The following MCU variants were observed in gnomAD, a reference collection of about 807,000 sequenced individuals.
MCU encodes the protein calcium uniporter protein, mitochondrial.
In MCU, 12 loss-of-function variants were observed where a neutral mutation model predicts 45.2. The ratio of observed to expected loss-of-function variants is 0.27; its 90% CI spans 0.17 to 0.43. The LOEUF (loss-of-function observed/expected upper bound fraction) is 0.43, where lower values mean the gene tolerates loss of function less well. Among genes scored for constraint, MCU ranks in the 20% least tolerant of loss-of-function variants. The pLI is 1.00. For missense variants in MCU, 324 were observed against 436.7 expected, an observed-to-expected ratio of 0.74 and a Z score of 2.30; for synonymous variants, 160 against 165.1, an observed-to-expected ratio of 0.97 and a Z score of 0.24.
intron 2 of MCU, among the ~76,000 whole-genome samples, chr10:72,857,098 C>T (rs1225367818): frequency 1.3e-5 from 2 of 152,036 alleles, no homozygotes; most frequent in African/African-American, 2.4e-5. Flanking sequence ...AGACACATGT[C>T]GCCACATCTG....
intron 2 of MCU, among the ~76,000 whole-genome samples, chr10:72,837,655 A>G (rs929714758): frequency 2.0e-5 from 3 of 152,158 alleles, no homozygotes; most frequent in African/African-American, 7.2e-5. Context: ...TCTGTGCCCC[A>G]GATCCTCAAC....
At chr10:72,803,928 C>T (rs1844379942) in intron 1 of MCU, among the ~76,000 whole-genome samples, 2 of 147,506 alleles carry the variant, frequency 1.4e-5, no homozygotes, top group Admixed American at 6.8e-5. Context: ...TTACACTTAG[C>T]TCATTTTAAA....
chr10:72,779,550 T>C (rs1019758297), intron 1 of MCU, among the ~76,000 whole-genome samples: 6 of 152,154 alleles, frequency 3.9e-5, no homozygotes, highest in Non-Finnish European at 8.8e-5. Context: ...AGGACTTGCA[T>C]CCAGAATTTT....
intron 2 of MCU, among the ~76,000 whole-genome samples, chr10:72,847,554 C>T (rs1197698797): frequency 3.9e-5 from 6 of 152,060 alleles, no homozygotes; most frequent in African/African-American, 1.4e-4. Context: ...CTATCTGCAG[C>T]TGGGTATTCA....
chr10:72,710,884 A>T (rs1305035849), intron 1 of MCU, among the ~76,000 whole-genome samples: 1 of 152,114 alleles, frequency 6.6e-6, no homozygotes, highest in African/African-American at 2.4e-5. Flanking sequence ...CTTATTTAAA[A>T]GGTATTAAAC....
chr10:72,851,006 G>C (rs563699761), intron 2 of MCU, among the ~76,000 whole-genome samples: 5 of 152,250 alleles, frequency 3.3e-5, no homozygotes, highest in African/African-American at 1.2e-4. Context: ...TGAAACTTGA[G>C]GAACCTTGGC....
chr10:72,724,788 T>C (rs1247777512), intron 1 of MCU, among the ~76,000 whole-genome samples: 1 of 152,194 alleles, frequency 6.6e-6, no homozygotes, highest in African/African-American at 2.4e-5. Flanking sequence ...CAAAATGGAA[T>C]GGAAATCCTT....
chr10:72,763,408 C>T (rs1843682384), intron 1 of MCU, among the ~76,000 whole-genome samples: 1 of 152,100 alleles, frequency 6.6e-6, no homozygotes, highest in African/African-American at 2.4e-5. Flanking sequence ...GTATGAGTGG[C>T]TGCTGGCTGG....
At chr10:72,832,932 C>CTG (rs1399130294) in intron 1 of MCU, among the ~76,000 whole-genome samples, 2 of 57,124 alleles carry the variant, frequency 3.5e-5, no homozygotes, top group African/African-American at 7.6e-5. Context: ...AAACCAATAG[C>CTG]TATGTGTGTG....
intron 1 of MCU, among the ~76,000 whole-genome samples, chr10:72,694,717 C>T (rs1175118399): frequency 6.6e-6 from 1 of 152,198 alleles, no homozygotes; most frequent in Non-Finnish European, 1.5e-5. Flanking sequence ...CCAGTTTGTG[C>T]CACTTTTGTT....
intron 2 of MCU, among the ~76,000 whole-genome samples, chr10:72,850,005 C>G (rs982125791): frequency 6.6e-6 from 1 of 151,814 alleles, no homozygotes; most frequent in African/African-American, 2.4e-5. Flanking sequence ...CCTCCGCCTC[C>G]CAGGTTCAAG....
At chr10:72,849,152 G>A (rs973721138) in intron 2 of MCU, among the ~76,000 whole-genome samples, 2 of 151,840 alleles carry the variant, frequency 1.3e-5, no homozygotes, top group South Asian at 2.1e-4. Context: ...ATGGTGGCAG[G>A]CACCTGTAAT....
At chr10:72,847,030 G>A (rs1845133609) in intron 2 of MCU, among the ~76,000 whole-genome samples, 1 of 152,208 alleles carries the variant, frequency 6.6e-6, no homozygotes, top group African/African-American at 2.4e-5. Flanking sequence ...GGAGTGCAGT[G>A]GTGCAAACTG....
rs543448397 is a variant in MCU at position 72,725,456 on chromosome 10, T to C, written c.150+33155T>C. ...CTGGCTAATTTAAAAATGTTTTTTA[T>C]GGAGATGGAGTCCCACTATGTTGCC... On this transcript the variant is annotated intron_variant, in intron 1 of 7. Coordinates refer to ENST00000373053, the MANE Select transcript of MCU (RefSeq NM_138357.3). Among the ~76,000 whole-genome samples, 65 of 152,070 alleles carry C rather than the reference T, an allele frequency of 4.3e-4. 1 individual carries two copies. The East Asian group carries it at 6.8e-3, about 16-fold the overall frequency.
At chr10:72,843,107 G>A (rs1013680132) in intron 2 of MCU, among the ~76,000 whole-genome samples, 1 of 152,130 alleles carries the variant, frequency 6.6e-6, no homozygotes, top group African/African-American at 2.4e-5. Flanking sequence ...CTCCCCATGA[G>A]AGGGATACAT....
chr10:72,786,957 A>G (rs1204380722), intron 1 of MCU, among the ~76,000 whole-genome samples: 1 of 152,124 alleles, frequency 6.6e-6, no homozygotes, highest in African/African-American at 2.4e-5. Context: ...TTACATCCCC[A>G]ATGTCAAATA....
At chr10:72,812,051 T>A (rs1052125372) in intron 1 of MCU, among the ~76,000 whole-genome samples, 1 of 151,574 alleles carries the variant, frequency 6.6e-6, no homozygotes, top group Non-Finnish European at 1.5e-5. Flanking sequence ...GGAAATAATA[T>A]TATTTACCTA....
chr10:72,886,641 A>AG lies in MCU; in HGVS notation c.*824dup, dbSNP rs1360681450. 2 of 152,308 alleles carry AG rather than the reference A, an allele frequency of 1.3e-5. No individual in the cohort carries two copies. The highest frequency in any genetic ancestry group is 6.5e-5 in the Admixed American group (1 of 15,272). The allele number at this position is 152,308 out of a possible 1,614,324, so 9.4% of individuals were successfully genotyped here. Reference sequence around the variant, plus strand: ...CCTCCAGAACACAAATCAGAGGGAAAGGGGGTGTTCAGCTGTACTACCAAA... The same window carrying AG: ...CCTCCAGAACACAAATCAGAGGGAAAGGGGGGTGTTCAGCTGTACTACCAAA... On this transcript the variant is annotated 3_prime_UTR_variant, in exon 8 of 8. Coordinates refer to ENST00000373053, the MANE Select transcript of MCU (RefSeq NM_138357.3).
intron 6 of MCU, among the ~76,000 whole-genome samples, chr10:72,872,129 A>G (rs1035075291): frequency 1.3e-5 from 2 of 152,176 alleles, no homozygotes; most frequent in African/African-American, 4.8e-5. Flanking sequence ...ACTCAAGTCT[A>G]TTCTTTTTTT....
Sources: allele counts gnomAD v4.1 joint callset (sites outside exome capture counted in the v4.1 genomes callset), GRCh38; gene constraint gnomAD v4.1.1; transcripts MANE v1.5; gene names NCBI Gene and HGNC (gene_info 2026-07-23, HGNC 2026-07-21).